SLC6A11: variants seen among roughly 807,000 people sequenced by gnomAD.
SLC6A11 encodes the protein sodium- and chloride-dependent GABA transporter 3.
In SLC6A11, 25 loss-of-function variants were observed where a neutral mutation model predicts 74.8. The ratio of observed to expected loss-of-function variants is 0.33; its 90% CI spans 0.24 to 0.47. The LOEUF is 0.47. Among genes scored for constraint, SLC6A11 ranks in the 20% least tolerant of loss-of-function variants. SLC6A11 has a pLI of 1.00. For synonymous variants in SLC6A11, 330 were observed against 330.2 expected (o/e 1.00, Z 0.01); for missense variants, 574 against 837.0 (o/e 0.69, Z 3.88).
chr3:10,881,346 GT>G (rs895378230), intron 6 of SLC6A11, among the ~76,000 whole-genome samples: 2 of 152,212 alleles, frequency 1.3e-5, no homozygotes, highest in Admixed American at 1.3e-4. Flanking sequence ...AACCTGGGAG[GT>G]GGAGGTTGCA....
At chr3:10,897,557 C>G (rs1490066061) in intron 6 of SLC6A11, among the ~76,000 whole-genome samples, 2 of 152,236 alleles carry the variant, frequency 1.3e-5, no homozygotes, top group Non-Finnish European at 2.9e-5. Flanking sequence ...CCAAAATGAT[C>G]TCCTTTGAAT....
In SLC6A11 at chr3:10,822,772, G is replaced by C. The variant is rs546242919; in HGVS notation, c.533-530G>C. On this transcript the variant is annotated intron_variant, in intron 3 of 13. Transcript: ENST00000254488. ...GATTGACTGGATCTAGTGAGGGAAT[G>C]ATGAAGAAACCAGGGATTCTTGGCA... 5.3e-5 allele frequency among the ~76,000 whole-genome samples: 8 copies of C among 152,316 alleles called. No homozygotes were observed. The East Asian group carries it at 1.5e-3, about 29-fold the overall frequency.
At chr3:10,857,347 A>G (rs1392018434) in intron 5 of SLC6A11, among the ~76,000 whole-genome samples, 2 of 152,124 alleles carry the variant, frequency 1.3e-5, no homozygotes, top group Non-Finnish European at 2.9e-5. Flanking sequence ...ACTTCAGAGT[A>G]GGGGAAGCAT....
chr3:10,863,866 G>C (rs1180314959), intron 5 of SLC6A11, among the ~76,000 whole-genome samples: 1 of 152,080 alleles, frequency 6.6e-6, no homozygotes, highest in Non-Finnish European at 1.5e-5. Flanking sequence ...ACTCCCGAGG[G>C]GTCCGTTCGG....
chr3:10,824,158 A>G (rs184082918), intron 4 of SLC6A11: 1 of 152,230 alleles, frequency 6.6e-6, no homozygotes, highest in African/African-American at 2.4e-5. Flanking sequence ...TGAAATATAC[A>G]TTCCAGAATT....
At chr3:10,823,235 T>C (rs756400211) in intron 3 of SLC6A11, 67 bp from the exon 4 acceptor site, 6 of 1,214,310 alleles carry the variant, frequency 4.9e-6, no homozygotes, top group Non-Finnish European at 6.1e-6. Flanking sequence ...CAGCTCTGAA[T>C]GTTTTTCAGG....
At chr3:10,825,201 A>C (rs1694192978) in intron 4 of SLC6A11, 1 of 151,940 alleles carries the variant, frequency 6.6e-6, no homozygotes. Context: ...AAAAAAATTA[A>C]TTTACACTCC....
At chr3:10,927,516 T>TA (rs766748657) in intron 9 of SLC6A11, among the ~76,000 whole-genome samples, 1 of 152,242 alleles carries the variant, frequency 6.6e-6, no homozygotes, top group Non-Finnish European at 1.5e-5. Context: ...GGTTCAGAGA[T>TA]ACTGAGTGAC....
At chr3:10,830,435 T>C (rs189356189) in intron 4 of SLC6A11, among the ~76,000 whole-genome samples, 1 of 152,292 alleles carries the variant, frequency 6.6e-6, no homozygotes, top group African/African-American at 2.4e-5. Context: ...ACCTACTATA[T>C]GGCAGGTCTC....
chr3:10,831,459 C>G (rs908005947), intron 4 of SLC6A11, among the ~76,000 whole-genome samples: 1 of 151,982 alleles, frequency 6.6e-6, no homozygotes, highest in Admixed American at 6.6e-5. Context: ...CACAGAAAAG[C>G]TAACAGTAAG....
Position 10,918,340 on chromosome 3 carries a change from T to C in SLC6A11, c.1007T>C (p.Met336Thr), listed in dbSNP as rs769899743. The change falls in exon 8 of 14, where the codon ATG becomes ACG. Residue 336 changes from methionine to threonine, a missense_variant. Around this residue, in one of 4 missense-constraint regions of SLC6A11, gnomAD observed 215 missense variants for 357.9 expected, o/e 0.60. Coordinates refer to ENST00000254488, the MANE Select transcript of SLC6A11 (RefSeq NM_014229.3). This position sits in a 1 kb window ranked among gnomAD's most constrained non-coding sequence, Gnocchi z 4.5. ...CTGCTTCCCCACAGGGACTGCATCA[T>C]GCTCTGTTGCCTGAACAGCGGCACC... ...YNNNCYRDCI[M>T]LCCLNSGTSF... 2 of 1,602,236 alleles carry C rather than the reference T, an allele frequency of 1.2e-6. No individual in the cohort carries two copies. The highest frequency in any genetic ancestry group is 8.5e-7 in the Non-Finnish European group (1 of 1,175,534).
At chr3:10,937,118 A>G (rs1477696590) in intron 13 of SLC6A11, among the ~76,000 whole-genome samples, 1 of 152,188 alleles carries the variant, frequency 6.6e-6, no homozygotes, top group Non-Finnish European at 1.5e-5. Context: ...CTGAGGATGC[A>G]TCCTACTGAA....
chr3:10,934,142 G>A lies in SLC6A11; in HGVS notation c.1551G>A (p.Met517Ile). ...CGTCGCTCATTAAGTGGTGCTGGAT[G>A]ATCATGACCCCTGGGATCTGCGCGG... ...RPPSLIKWCW[M>I]IMTPGICAGI... The change falls in exon 12 of 14, where the codon ATG becomes ATA. Residue 517 changes from methionine to isoleucine, a missense_variant. This residue lies in a region of SLC6A11 where 257 missense variants were observed against 341.5 expected (regional missense o/e 0.75). Coordinates refer to ENST00000254488, the MANE Select transcript of SLC6A11 (RefSeq NM_014229.3). 2 of 1,613,406 alleles carry A rather than the reference G, an allele frequency of 1.2e-6. No individual in the cohort carries two copies. The highest frequency in any genetic ancestry group is 1.7e-6 in the Non-Finnish European group (2 of 1,179,358).
At chr3:10,827,750 C>G (rs1285561303) in intron 4 of SLC6A11, among the ~76,000 whole-genome samples, 3 of 152,222 alleles carry the variant, frequency 2.0e-5, no homozygotes, top group Non-Finnish European at 4.4e-5. Flanking sequence ...TTGAGACAAG[C>G]CCACAGATTA....
At chr3:10,844,090 C>T in intron 4 of SLC6A11, 124 bp from the exon 5 acceptor site, 1 of 1,155,226 alleles carries the variant, frequency 8.7e-7, no homozygotes, top group Non-Finnish European at 1.2e-6. Context: ...CCAGAGGAGA[C>T]ATTTGGCCCA....
At chr3:10,935,466 C>T in intron 13 of SLC6A11, 1 of 410,966 alleles carries the variant, frequency 2.4e-6, no homozygotes, top group Non-Finnish European at 4.4e-6. Context: ...CTTACAGAGG[C>T]TGTGAGAACT....
chr3:10,885,667 A>T (rs775437950), intron 6 of SLC6A11, among the ~76,000 whole-genome samples: 1 of 151,506 alleles, frequency 6.6e-6, no homozygotes, highest in African/African-American at 2.4e-5. Flanking sequence ...GCCCTAGGAC[A>T]TGGTTCTTGC....
intron 6 of SLC6A11, among the ~76,000 whole-genome samples, chr3:10,906,712 G>A (rs546349058): frequency 2.0e-5 from 3 of 152,208 alleles, no homozygotes; most frequent in Admixed American, 6.5e-5. Flanking sequence ...GAGAAATTAC[G>A]GGAAGCAGAC....
rs112005584 is a variant in SLC6A11, at chr3:10,830,511, AC to A, written c.623+7120del. Among the ~76,000 whole-genome samples, 13 of 152,356 alleles carry A rather than the reference AC, an allele frequency of 8.5e-5. 2 individuals carry two copies. Among genetic ancestry groups the A allele is most frequent in the African/African-American group, 2.9e-4 (12 of 41,588 alleles). ...CACCCTTATGGAGCTGAGAGCACCA[AC>A]AACCAAATAAGCAGAAAATATTGGA... On this transcript the variant is annotated intron_variant, in intron 4 of 13. Coordinates refer to ENST00000254488, the MANE Select transcript of SLC6A11 (RefSeq NM_014229.3).
Sources: gnomAD v4.1 joint callset for allele counts (sites outside exome capture counted in the v4.1 genomes callset) on GRCh38, gnomAD v4.1.1 for gene constraint, gnomAD v4.1.1 regional missense constraint, Gnocchi (gnomAD v3.1) non-coding constraint, MANE v1.5 for transcripts, NCBI Gene and HGNC (gene_info 2026-07-23, HGNC 2026-07-21) for gene names.